Variants in XPC observed in about 807,000 individuals in gnomAD.
XPC encodes XPC complex subunit, DNA damage recognition and repair factor.
In XPC, 76 loss-of-function variants were observed where a neutral mutation model predicts 95.8. The observed-to-expected ratio is 0.79, with a 90% CI of 0.66 to 0.96. The LOEUF (loss-of-function observed/expected upper bound fraction) is 0.96, where lower values mean the gene tolerates loss of function less well. Ranked by LOEUF, XPC falls within the 40% of genes least tolerant of loss-of-function variation. The pLI is 0.00. For synonymous variants in XPC, 442 were observed against 442.1 expected, an observed-to-expected ratio of 1.00 and a Z score of 0.00; for missense variants, 1,146 against 1,179.8, an observed-to-expected ratio of 0.97 and a Z score of 0.42.
rs769157357 is a variant in XPC at position 14,158,929 on chromosome 3, C to T, written c.991-37G>A. 1 of 1,611,556 alleles carries T rather than the reference C, an allele frequency of 6.2e-7. No homozygotes were observed. The highest frequency in any genetic ancestry group is 1.1e-5 in the South Asian group (1 of 90,862). On this transcript the variant is annotated intron_variant, in intron 8 of 15. Coordinates refer to ENST00000285021, the MANE Select transcript of XPC (RefSeq NM_004628.5). The surrounding 1 kb of genome is among the most constrained non-coding windows in gnomAD (Gnocchi z 5.2). Reference sequence around the variant, plus strand: ...TAAGAAATTTTGCTTTTTTTTCTCCCCCCTCTTTTGCTAATGATATGATAG... The same window carrying T: ...TAAGAAATTTTGCTTTTTTTTCTCCTCCCTCTTTTGCTAATGATATGATAG...
chr3:14,158,924 T>C lies in XPC; in HGVS notation c.991-32A>G, dbSNP rs564614309. On this transcript the variant is annotated intron_variant, in intron 8 of 15. Transcript: ENST00000285021. This position sits in a 1 kb window ranked among gnomAD's most constrained non-coding sequence, Gnocchi z 5.2. ...CAGAATAAGAAATTTTGCTTTTTTTTCTCCCCCCTCTTTTGCTAATGATAT... is the reference window on the plus strand; with the variant it reads ...CAGAATAAGAAATTTTGCTTTTTTTCCTCCCCCCTCTTTTGCTAATGATAT... The C allele has an allele frequency of 1.6e-5, 26 of 1,612,480 alleles. No individual in the cohort carries two copies. The South Asian group carries it at 2.0e-4, about 12-fold the overall frequency.
At chr3:14,167,756 G>A (rs537141926) in intron 4 of XPC, among the ~76,000 whole-genome samples, 66 of 152,192 alleles carry the variant, frequency 4.3e-4, no homozygotes, top group Non-Finnish European at 7.5e-4. Context: ...TGTGCCCATC[G>A]CACATTGGAA....
intron 2 of XPC, among the ~76,000 whole-genome samples, chr3:14,171,621 G>A (rs1173783485): frequency 6.6e-6 from 1 of 152,220 alleles, no homozygotes; most frequent in Non-Finnish European, 1.5e-5. Context: ...GAGCAGGGCA[G>A]ATCACCTGAG....
In XPC at chr3:14,152,285, C is replaced by G. The variant is rs767016673; in HGVS notation, c.2115+50G>C. 24 of 1,550,276 alleles carry G rather than the reference C, an allele frequency of 1.5e-5. No individual in the cohort carries two copies. In the South Asian group the frequency reaches 2.7e-4, roughly 17 times the overall value. On this transcript the variant is annotated intron_variant, in intron 11 of 15. Transcript: ENST00000285021. Reference sequence around the variant, plus strand: ...CTCTGCCCCCAGCTCTCCCGCTCAGCTACAGGCCTGTGTCACCACTCCCCA... The same window carrying G: ...CTCTGCCCCCAGCTCTCCCGCTCAGGTACAGGCCTGTGTCACCACTCCCCA...
rs3731073 is a variant in XPC, at chr3:14,171,723, C to A, written c.299+1144G>T. ...TGGTGGTGGGCACCTACAGTCCCAG[C>A]TACTCAGGAGGCTCACTTGAACCTG... On this transcript the variant is annotated intron_variant, in intron 2 of 15. Transcript: ENST00000285021. Among the ~76,000 whole-genome samples, 1,102 of 152,202 alleles carry A rather than the reference C, an allele frequency of 7.2e-3. 13 individuals are homozygous for A. The highest frequency in any genetic ancestry group is 0.025 in the African/African-American group (1,020 of 41,526).
intron 10 of XPC, among the ~76,000 whole-genome samples, chr3:14,154,393 C>T (rs1232274270): frequency 6.6e-6 from 1 of 152,140 alleles, no homozygotes; most frequent in Admixed American, 6.5e-5. Flanking sequence ...AAGGTGGAGA[C>T]GAGCCAAGTG....
Position 14,148,647 on chromosome 3 carries a change from G to C in XPC, c.2335C>G (p.Leu779Val). Residue 779 changes from leucine to valine, a missense_variant, in exon 13 of 16, where the codon CTA becomes GTA. Coordinates refer to ENST00000285021, the MANE Select transcript of XPC (RefSeq NM_004628.5). Reference sequence around the variant, plus strand: ...TCCAGCTTGCGGGCCACGCGGTGTAGATTGGGCAGGTTCAGCTGGACACAG... The same window carrying C: ...TCCAGCTTGCGGGCCACGCGGTGTACATTGGGCAGGTTCAGCTGGACACAG... The part of the protein sequence containing the change: ...IGCVQLNLPN[L>V]HRVARKLDID... 1 of 1,614,060 alleles carries C rather than the reference G, an allele frequency of 6.2e-7. No individual in the cohort carries two copies. Among genetic ancestry groups the C allele is most frequent in the Non-Finnish European group, 8.5e-7 (1 of 1,179,900 alleles).
chr3:14,157,504 CCGGTCTGCCTTCT>C (rs1167078047), intron 9 of XPC, among the ~76,000 whole-genome samples: 1 of 152,124 alleles, frequency 6.6e-6, no homozygotes, highest in East Asian at 1.9e-4. Context: ...TCTCTGCCTC[CCGGTCTGCCTTCT>C]CAATAGACTG....
intron 4 of XPC, 59 bp from the exon 5 acceptor site, chr3:14,167,312 C>G: frequency 7.0e-7 from 1 of 1,427,900 alleles, no homozygotes; most frequent in East Asian, 2.4e-5. Context: ...AGACTCCACT[C>G]CCCCAGGCAA....
Position 14,152,371 on chromosome 3 carries a change from T to C in XPC, c.2079A>G (p.Lys693=). 2 of 1,613,438 alleles carry C rather than the reference T, an allele frequency of 1.2e-6. No homozygotes were observed. The highest frequency in any genetic ancestry group is 1.7e-6 in the Non-Finnish European group (2 of 1,179,694). Residue 693 remains lysine, a synonymous_variant, in exon 11 of 16, where the codon AAA becomes AAG. Coordinates refer to ENST00000285021, the MANE Select transcript of XPC (RefSeq NM_004628.5). ...TLHSRDTWLK[K]ARVVRLGEVP... ...CTTCTCCAAGCCTCACCACTCTTGC[T>C]TTCTTCAGCCACGTGTCCCTGGAAT... is the stretch of plus-strand genomic sequence containing the variant.
chr3:14,159,665 A>T, intron 8 of XPC, 76 bp downstream of exon 8: 2 of 1,372,610 alleles, frequency 1.5e-6, no homozygotes, highest in Non-Finnish European at 2.0e-6. Flanking sequence ...TAAAAAATAT[A>T]ATAATGATCA....
Position 14,167,189 on chromosome 3 carries a change from C to T in XPC, c.601G>A (p.Val201Ile), listed in dbSNP as rs759841995. The change falls in exon 5 of 16, where the codon GTC (valine) becomes ATC (isoleucine). Residue 201 changes from valine to isoleucine, a missense_variant. Transcript: ENST00000285021. ...RRAMKRFNKGVHEDTHKVHLL... is the reference protein window; with the variant it reads ...RRAMKRFNKGIHEDTHKVHLL... ...CTTACCTTGTGTGTGTCCTCATGGA[C>T]CCCTTTATTGAAACGTTTCATCGCC... The T allele has an allele frequency of 3.1e-6, 5 of 1,608,250 alleles. No homozygotes were observed. The highest frequency in any genetic ancestry group is 4.2e-6 in the Non-Finnish European group (5 of 1,177,036).
chr3:14,176,412 C>A (rs1696817352), intron 1 of XPC, among the ~76,000 whole-genome samples: 1 of 152,234 alleles, frequency 6.6e-6, no homozygotes, highest in African/African-American at 2.4e-5. Flanking sequence ...TTGGAAGCTA[C>A]AAAGCCTTGT....
At chr3:14,176,139 T>C (rs758834610) in intron 1 of XPC, among the ~76,000 whole-genome samples, 7 of 152,174 alleles carry the variant, frequency 4.6e-5, no homozygotes, top group Non-Finnish European at 1.0e-4. Flanking sequence ...TCCAAAATAA[T>C]TCACCCAAGT....
At chr3:14,147,012 C>G (rs1184124290) in intron 15 of XPC, among the ~76,000 whole-genome samples, 1 of 152,204 alleles carries the variant, frequency 6.6e-6, no homozygotes, top group Admixed American at 6.5e-5. Flanking sequence ...CCTATGTGTT[C>G]AGCGCCAAAT....
intron 5 of XPC, among the ~76,000 whole-genome samples, chr3:14,166,291 T>C (rs1289703113): frequency 6.6e-6 from 1 of 152,060 alleles, no homozygotes; most frequent in East Asian, 1.9e-4. Context: ...TCATCTTCCC[T>C]TTCTTTCACC....
intron 9 of XPC, among the ~76,000 whole-genome samples, chr3:14,156,882 C>T (rs991292328): frequency 6.6e-5 from 10 of 152,244 alleles, no homozygotes; most frequent in Non-Finnish European, 1.5e-4. Context: ...CCTGTCTGCT[C>T]TCACAGGAAA....
At chr3:14,152,786 C>T (rs1297880585) in intron 10 of XPC, 1 of 191,140 alleles carries the variant, frequency 5.2e-6, no homozygotes, top group Admixed American at 6.2e-5. Flanking sequence ...CTACCACCAC[C>T]AAGCGAACAC....
In XPC at chr3:14,148,730, A is replaced by T; in HGVS notation, c.2252T>A (p.Val751Glu). The stretch of plus-strand genomic sequence containing the variant: ...CACATTCCCAAACTCGTTCCGGGGC[A>T]CCTGTGTCGGGTGAGCAAGTCAGCA... ...YQPPVAVDGKVPRNEFGNVYL... is the reference protein window; with the variant it reads ...YQPPVAVDGKEPRNEFGNVYL... The change falls in exon 13 of 16, where the codon GTG (valine) becomes GAG (glutamate). Residue 751 changes from valine (V) to glutamate (E), a missense_variant and splice_region_variant. Transcript: ENST00000285021. 2 of 1,613,960 alleles carry T rather than the reference A, an allele frequency of 1.2e-6. No individual in the cohort carries two copies. Among genetic ancestry groups the T allele is most frequent in the Non-Finnish European group, 1.7e-6 (2 of 1,179,846 alleles).
Sources: allele counts gnomAD v4.1 joint callset (sites outside exome capture counted in the v4.1 genomes callset), GRCh38; gene constraint gnomAD v4.1.1; non-coding constraint Gnocchi (gnomAD v3.1); transcripts MANE v1.5; gene names NCBI Gene and HGNC (gene_info 2026-07-23, HGNC 2026-07-21).